The following RFX4 variants were observed in gnomAD, a reference collection of about 807,000 sequenced individuals.
The protein encoded by RFX4 is transcription factor RFX4.
In RFX4, 10 loss-of-function variants were observed where a neutral mutation model predicts 95.0. The observed-to-expected ratio is 0.11, with a 90% CI of 0.06 to 0.18. The LOEUF is 0.18. Ranked by LOEUF, RFX4 falls within the 10% of genes least tolerant of loss-of-function variation. The pLI is 1.00. For synonymous variants in RFX4, 321 were observed against 340.7 expected, an observed-to-expected ratio of 0.94 and a Z score of 0.64; for missense variants, 640 against 922.0, an observed-to-expected ratio of 0.69 and a Z score of 3.96.
intron 3 of RFX4, among the ~76,000 whole-genome samples, chr12:106,641,017 G>A (rs1472304244): frequency 6.6e-6 from 1 of 152,126 alleles, no homozygotes; most frequent in Non-Finnish European, 1.5e-5. Context: ...CTGACCTCAG[G>A]TGACCCTCCT....
At chr12:106,712,593 C>T (rs1376290871) in intron 10 of RFX4, among the ~76,000 whole-genome samples, 1 of 152,138 alleles carries the variant, frequency 6.6e-6, no homozygotes, top group Non-Finnish European at 1.5e-5. Flanking sequence ...TATAACACAA[C>T]ACCCACATAT....
intron 1 of RFX4, among the ~76,000 whole-genome samples, chr12:106,599,799 C>T (rs1414806940): frequency 1.3e-5 from 2 of 152,062 alleles, no homozygotes; most frequent in Non-Finnish European, 2.9e-5. Flanking sequence ...AAGTAAGTCT[C>T]GGTTTGCCTG....
At chr12:106,704,270 CCTG>C (rs1192675926) in intron 8 of RFX4, among the ~76,000 whole-genome samples, 2 of 152,070 alleles carry the variant, frequency 1.3e-5, no homozygotes, top group Non-Finnish European at 2.9e-5. Flanking sequence ...AAGCATGCTC[CCTG>C]CTCTCATTGA....
chr12:106,705,280 G>A (rs1401984057), intron 8 of RFX4, among the ~76,000 whole-genome samples: 4 of 152,214 alleles, frequency 2.6e-5, no homozygotes, highest in African/African-American at 9.7e-5. Context: ...CAGCATCACT[G>A]CTGATGGGCA....
chr12:106,632,912 A>G (rs762753644), intron 2 of RFX4, among the ~76,000 whole-genome samples: 2 of 152,362 alleles, frequency 1.3e-5, no homozygotes, highest in Non-Finnish European at 2.9e-5. Flanking sequence ...TTGGACTTAC[A>G]TTTAATTGGC....
intron 15 of RFX4, among the ~76,000 whole-genome samples, chr12:106,739,101 C>G (rs972011806): frequency 2.4e-5 from 3 of 124,420 alleles, no homozygotes; most frequent in Non-Finnish European, 5.6e-5. Flanking sequence ...ACAGAAAAAT[C>G]AATTTCGTAA....
intron 15 of RFX4, among the ~76,000 whole-genome samples, 174 bp from the exon 16 acceptor site, chr12:106,747,263 C>A (rs985070116): frequency 1.3e-5 from 2 of 152,030 alleles, no homozygotes; most frequent in African/African-American, 2.4e-5. Context: ...CTGGACCAGA[C>A]AAAACAAAGA....
At chr12:106,742,150 A>G (rs2042818398) in intron 15 of RFX4, among the ~76,000 whole-genome samples, 1 of 152,160 alleles carries the variant, frequency 6.6e-6, no homozygotes, top group African/African-American at 2.4e-5. Flanking sequence ...TCTGTAGCAG[A>G]ATCTCAAAGC....
chr12:106,710,676 A>T (rs2042176507), intron 9 of RFX4, among the ~76,000 whole-genome samples: 1 of 152,208 alleles, frequency 6.6e-6, no homozygotes, highest in Non-Finnish European at 1.5e-5. Context: ...TGGACCTTCC[A>T]CCTGTGTGTG....
intron 2 of RFX4, among the ~76,000 whole-genome samples, chr12:106,624,606 C>T (rs888170812): frequency 2.6e-5 from 4 of 152,066 alleles, no homozygotes; most frequent in Admixed American, 1.3e-4. Flanking sequence ...GGATTACAGG[C>T]GTGAGCCACC....
chr12:106,750,506 G>T, intron 16 of RFX4, 149 bp from the exon 17 acceptor site: 9 of 635,562 alleles, frequency 1.4e-5, no homozygotes, highest in Non-Finnish European at 2.1e-5. Flanking sequence ...ATGAAAGAAA[G>T]AAAAATGGGA....
At chr12:106,601,443 T>C in intron 1 of RFX4, 1 of 1,275,312 alleles carries the variant, frequency 7.8e-7, no homozygotes, top group Non-Finnish European at 1.1e-6. Flanking sequence ...GAGTGTGGCA[T>C]GTCAACTCTT....
chr12:106,759,059 T>A (rs1232644230), intron 17 of RFX4, among the ~76,000 whole-genome samples: 2 of 152,120 alleles, frequency 1.3e-5, no homozygotes. Context: ...CAGGAGCATA[T>A]GAATATAAGC....
intron 3 of RFX4, among the ~76,000 whole-genome samples, chr12:106,645,668 A>G (rs2040730285): frequency 6.6e-6 from 1 of 152,256 alleles, no homozygotes; most frequent in African/African-American, 2.4e-5. Flanking sequence ...GCACTGTTCC[A>G]AAGAAGAAAT....
At chr12:106,627,246 TATC>T (rs1288899064) in intron 2 of RFX4, among the ~76,000 whole-genome samples, 2 of 152,152 alleles carry the variant, frequency 1.3e-5, no homozygotes, top group Non-Finnish European at 2.9e-5. Context: ...TGTATTAAAA[TATC>T]ATTGCGGGCC....
At chr12:106,679,733 A>G (rs2041468727) in intron 4 of RFX4, among the ~76,000 whole-genome samples, 1 of 152,110 alleles carries the variant, frequency 6.6e-6, no homozygotes, top group African/African-American at 2.4e-5. Flanking sequence ...TAGCATGTCT[A>G]TGTCTGTTCA....
In RFX4 at chr12:106,737,162, G is replaced by GTTTTTTTT. The variant is rs556116618; in HGVS notation, c.1633+4110_1633+4117dup. Among the ~76,000 whole-genome samples, 7 of 54,926 alleles carry GTTTTTTTT rather than the reference G, an allele frequency of 1.3e-4. 2 individuals are homozygous for GTTTTTTTT. Among genetic ancestry groups the GTTTTTTTT allele is most frequent in the Non-Finnish European group, 1.7e-4 (5 of 28,652 alleles). 36.0% of individuals were successfully genotyped at this position (54,926 alleles called of 152,430 possible). A position where few individuals can be genotyped will look rare whatever the true frequency, so the allele number is the denominator to read the frequency against. On this transcript the variant is annotated intron_variant, in intron 15 of 17. Coordinates refer to ENST00000392842, the MANE Select transcript of RFX4 (RefSeq NM_213594.3). ...TTTCCAGAATAGACTCGGAACTAAA[G>GTTTTTTTT]TTTTTTTTTTTTTTTTTTTTTTTTT... is the stretch of plus-strand genomic sequence containing the variant.
At chr12:106,668,803 T>G (rs973630541) in intron 4 of RFX4, among the ~76,000 whole-genome samples, 1 of 152,114 alleles carries the variant, frequency 6.6e-6, no homozygotes, top group Admixed American at 6.6e-5. Context: ...TCATGGGAAG[T>G]AACATGGGTG....
At chr12:106,734,808 C>T (rs560750725) in intron 15 of RFX4, among the ~76,000 whole-genome samples, 1 of 152,012 alleles carries the variant, frequency 6.6e-6, no homozygotes, top group South Asian at 2.1e-4. Flanking sequence ...ACCCTGTAAT[C>T]CCAACACTTT....
Sources: allele counts gnomAD v4.1 joint callset (sites outside exome capture counted in the v4.1 genomes callset), GRCh38; gene constraint gnomAD v4.1.1; transcripts MANE v1.5; gene names NCBI Gene and HGNC (gene_info 2026-07-23, HGNC 2026-07-21).